Variants in ARHGAP26 observed in about 807,000 individuals in gnomAD.
ARHGAP26 encodes rho GTPase-activating protein 26.
ARHGAP26 carries 38 observed loss-of-function variants against 104.8 expected under a neutral mutation model. The ratio of observed to expected loss-of-function variants is 0.36; its 90% CI spans 0.28 to 0.48. The LOEUF (loss-of-function observed/expected upper bound fraction) is 0.48. ARHGAP26 is among the 20% of genes least tolerant of loss of function. The pLI is 0.99. For synonymous variants in ARHGAP26, 341 were observed against 340.0 expected, an observed-to-expected ratio of 1.00 and a Z score of -0.03; for missense variants, 704 against 947.9, an observed-to-expected ratio of 0.74 and a Z score of 3.38.
At chr5:142,938,893 ATC>A (rs1196260719) in intron 11 of ARHGAP26, among the ~76,000 whole-genome samples, 1 of 152,302 alleles carries the variant, frequency 6.6e-6, no homozygotes, top group Non-Finnish European at 1.5e-5. Context: ...TGGTACTTGA[ATC>A]TCTTTCGACA....
intron 21 of ARHGAP26, among the ~76,000 whole-genome samples, chr5:143,209,691 G>A (rs1204468234): frequency 1.3e-5 from 2 of 152,064 alleles, no homozygotes; most frequent in Non-Finnish European, 2.9e-5. Context: ...TAAGGCAGGA[G>A]GATTGCTTGA....
In ARHGAP26 at chr5:143,224,971, G is replaced by A. The variant is rs1290600608; in HGVS notation, c.*2525G>A. On this transcript the variant is annotated 3_prime_UTR_variant, in exon 23 of 23. Coordinates refer to ENST00000645722, the MANE Select transcript of ARHGAP26 (RefSeq NM_001135608.3). ...ACACTACCATTGAATCAGGGAATGAGAATTAAGAATGGACAGGACCAAGAC... is the reference window on the plus strand; with the variant it reads ...ACACTACCATTGAATCAGGGAATGAAAATTAAGAATGGACAGGACCAAGAC... 3.1e-5 allele frequency: 7 copies of A among 222,262 alleles called. No individual in the cohort carries two copies. The highest frequency in any genetic ancestry group is 5.4e-5 in the Non-Finnish European group (6 of 111,284). The allele number at this position is 222,262 out of a possible 1,614,324, so 13.8% of individuals were successfully genotyped here. A position where few individuals can be genotyped will look rare whatever the true frequency, so the allele number is the denominator to read the frequency against.
intron 19 of ARHGAP26, among the ~76,000 whole-genome samples, chr5:143,146,820 G>T (rs1165646242): frequency 1.3e-5 from 2 of 152,220 alleles, no homozygotes; most frequent in Admixed American, 1.3e-4. Flanking sequence ...AATATTAGAG[G>T]CAGGAGTTTT....
intron 20 of ARHGAP26, among the ~76,000 whole-genome samples, chr5:143,190,050 A>T (rs1466159993): frequency 6.6e-6 from 1 of 151,606 alleles, no homozygotes; most frequent in Admixed American, 6.6e-5. Flanking sequence ...AAAAAAAAAG[A>T]CCTGGTTTCT....
intron 3 of ARHGAP26, among the ~76,000 whole-genome samples, chr5:142,878,893 CTGTCT>C (rs1756519601): frequency 6.6e-6 from 1 of 152,126 alleles, no homozygotes; most frequent in Non-Finnish European, 1.5e-5. Flanking sequence ...TAGTCCAGTC[CTGTCT>C]TGGTAGAGCA....
At chr5:142,822,485 G>A (rs921767164) in intron 1 of ARHGAP26, among the ~76,000 whole-genome samples, 50 of 151,972 alleles carry the variant, frequency 3.3e-4, no homozygotes, top group Admixed American at 2.7e-3. Flanking sequence ...GTTAAATCTC[G>A]GTATAATTCC....
At chr5:143,136,874 G>A (rs246605) in intron 19 of ARHGAP26, among the ~76,000 whole-genome samples, 81,399 of 151,866 alleles carry the variant, frequency 0.54, 22,032 homozygotes, top group Middle Eastern at 0.6. Context: ...TTATGCAAAT[G>A]TAATAATTTG....
chr5:142,904,219 G>A (rs1368235528), intron 8 of ARHGAP26, among the ~76,000 whole-genome samples: 2 of 151,948 alleles, frequency 1.3e-5, no homozygotes, highest in African/African-American at 4.8e-5. Context: ...GGCTGCATGC[G>A]GTGGCTCACG....
chr5:143,026,979 G>T (rs1302779828), intron 12 of ARHGAP26, among the ~76,000 whole-genome samples: 1 of 152,070 alleles, frequency 6.6e-6, no homozygotes, highest in Non-Finnish European at 1.5e-5. Flanking sequence ...ATTGGATGTG[G>T]TGTGTGAATT....
chr5:142,897,051 G>C (rs202169547), intron 6 of ARHGAP26, among the ~76,000 whole-genome samples: 1 of 152,100 alleles, frequency 6.6e-6, no homozygotes, highest in Non-Finnish European at 1.5e-5. Flanking sequence ...ATTGAATACC[G>C]TAGAAAATGC....
At chr5:142,960,615 T>G (rs1373192498) in intron 11 of ARHGAP26, among the ~76,000 whole-genome samples, 1 of 152,214 alleles carries the variant, frequency 6.6e-6, no homozygotes, top group Non-Finnish European at 1.5e-5. Context: ...TCTCTTGTTA[T>G]GAGGGGAGAC....
intron 1 of ARHGAP26, among the ~76,000 whole-genome samples, chr5:142,861,281 G>A (rs1448412958): frequency 6.6e-6 from 1 of 152,060 alleles, no homozygotes; most frequent in Non-Finnish European, 1.5e-5. Flanking sequence ...TTAAAGAGGG[G>A]ATAAAAGAAA....
At chr5:143,197,601 G>C (rs1807068259) in intron 20 of ARHGAP26, among the ~76,000 whole-genome samples, 1 of 152,076 alleles carries the variant, frequency 6.6e-6, no homozygotes, top group South Asian at 2.1e-4. Flanking sequence ...ACATAGTCTG[G>C]TTATAAACCC....
chr5:143,004,056 A>T (rs935176117), intron 11 of ARHGAP26, among the ~76,000 whole-genome samples: 1 of 151,418 alleles, frequency 6.6e-6, no homozygotes, highest in Non-Finnish European at 1.5e-5. Flanking sequence ...GACGTACGGA[A>T]ATCAGAAGTA....
intron 1 of ARHGAP26, among the ~76,000 whole-genome samples, chr5:142,802,550 T>C (rs564343921): frequency 2.6e-5 from 4 of 152,358 alleles, no homozygotes; most frequent in Non-Finnish European, 5.9e-5. Flanking sequence ...GTTGTTTTAC[T>C]TAAAGTTGCA....
chr5:143,165,901 C>A, intron 20 of ARHGAP26: 1 of 481,724 alleles, frequency 2.1e-6, no homozygotes, highest in Non-Finnish European at 3.3e-6. Context: ...GTAGTATCTA[C>A]CTCCTAGGGT....
chr5:143,050,845 G>C (rs1170860772), intron 14 of ARHGAP26, among the ~76,000 whole-genome samples: 1 of 152,152 alleles, frequency 6.6e-6, no homozygotes, highest in Non-Finnish European at 1.5e-5. Flanking sequence ...TCACAATCCT[G>C]AGTCCCCAAA....
chr5:142,991,098 C>T (rs912019094), intron 11 of ARHGAP26, among the ~76,000 whole-genome samples: 10 of 152,170 alleles, frequency 6.6e-5, no homozygotes, highest in South Asian at 2.1e-4. Flanking sequence ...CCTTGTGCTG[C>T]GGTGGGCTCC....
chr5:143,125,654 C>T (rs1168411141), intron 18 of ARHGAP26, among the ~76,000 whole-genome samples: 2 of 152,138 alleles, frequency 1.3e-5, no homozygotes, highest in Non-Finnish European at 2.9e-5. Context: ...TTTCTTTTTC[C>T]ATGTTGGTAA....
Sources: allele counts gnomAD v4.1 joint callset (sites outside exome capture counted in the v4.1 genomes callset), GRCh38; gene constraint gnomAD v4.1.1; transcripts MANE v1.5; gene names NCBI Gene and HGNC (gene_info 2026-07-23, HGNC 2026-07-21).